OSBPL6: variants seen among roughly 807,000 people sequenced by gnomAD.
OSBPL6 encodes oxysterol-binding protein-related protein 6.
A neutral mutation model predicts 125.8 loss-of-function variants in OSBPL6; 49 were observed. The observed-to-expected ratio is 0.39, with a 90% CI of 0.31 to 0.49. The LOEUF (loss-of-function observed/expected upper bound fraction) is 0.49. OSBPL6 is among the 20% of genes least tolerant of loss of function. OSBPL6 has a pLI of 0.88. For missense variants in OSBPL6, 986 were observed against 1,135.4 expected (o/e 0.87, Z 1.89); for synonymous variants, 394 against 391.8 (o/e 1.01, Z -0.07).
At chr2:178,322,656 G>C (rs985245830) in intron 3 of OSBPL6, among the ~76,000 whole-genome samples, 3 of 152,000 alleles carry the variant, frequency 2.0e-5, no homozygotes, top group Non-Finnish European at 2.9e-5. Context: ...GAAGTTTTTT[G>C]TTGATATTCT....
rs1029594284 is a variant in OSBPL6 at position 178,399,785 on chromosome 2, A to G, written c.*4226A>G. ...CTGTGTCATTGTTTGTAAAATATAC[A>G]GTATTTATGTACAGTTTCAGAGACA... On this transcript the variant is annotated 3_prime_UTR_variant, in exon 25 of 25. Transcript: ENST00000190611. 4 of 152,350 alleles carry G rather than the reference A, an allele frequency of 2.6e-5. No individual in the cohort carries two copies. Among genetic ancestry groups the G allele is most frequent in the Admixed American group, 2.6e-4 (4 of 15,300 alleles). 9.4% of individuals were successfully genotyped at this position (152,350 alleles called of 1,614,324 possible).
intron 9 of OSBPL6, among the ~76,000 whole-genome samples, chr2:178,336,685 C>T (rs79336461): frequency 0.014 from 2,141 of 152,230 alleles, 37 homozygotes; most frequent in African/African-American, 0.048. Flanking sequence ...TTTCCCCTGA[C>T]TTCTACCCAC....
intron 14 of OSBPL6, among the ~76,000 whole-genome samples, chr2:178,373,626 C>T (rs901752327): frequency 1.3e-5 from 2 of 152,140 alleles, no homozygotes; most frequent in African/African-American, 2.4e-5. Flanking sequence ...GTATTCATAG[C>T]GGCTTAACCT....
At chr2:178,303,757 T>G (rs1396941187) in intron 2 of OSBPL6, among the ~76,000 whole-genome samples, 5 of 152,110 alleles carry the variant, frequency 3.3e-5, no homozygotes, top group African/African-American at 1.2e-4. Context: ...AGACCTGAGA[T>G]TTAGCCTCAA....
chr2:178,335,388 G>A (rs1228829904), intron 8 of OSBPL6, among the ~76,000 whole-genome samples: 1 of 152,072 alleles, frequency 6.6e-6, no homozygotes, highest in African/African-American at 2.4e-5. Flanking sequence ...ATACCTCTAA[G>A]ATCTGCTTGG....
intron 1 of OSBPL6, among the ~76,000 whole-genome samples, chr2:178,255,149 C>T (rs1480990591): frequency 6.6e-6 from 1 of 152,108 alleles, no homozygotes; most frequent in African/African-American, 2.4e-5. Flanking sequence ...ACTAAAAATA[C>T]AAAAATTAGC....
intron 1 of OSBPL6, among the ~76,000 whole-genome samples, chr2:178,270,847 C>G (rs1447235636): frequency 6.6e-6 from 1 of 152,138 alleles, no homozygotes; most frequent in Non-Finnish European, 1.5e-5. Flanking sequence ...GCCCTGAACA[C>G]CTTACCTGTA....
At chr2:178,282,344 A>C (rs930504761) in intron 1 of OSBPL6, among the ~76,000 whole-genome samples, 3 of 152,174 alleles carry the variant, frequency 2.0e-5, no homozygotes, top group Non-Finnish European at 4.4e-5. Flanking sequence ...AACTTGTCTT[A>C]TCCCTCCCCT....
At chr2:178,322,019 C>T (rs189325741) in intron 3 of OSBPL6, among the ~76,000 whole-genome samples, 1 of 152,274 alleles carries the variant, frequency 6.6e-6, no homozygotes, top group Admixed American at 6.5e-5. Context: ...ACCCTTCTGA[C>T]CCACATAATT....
At chr2:178,339,801 A>T in intron 11 of OSBPL6, 37 bp downstream of exon 11, 1 of 1,504,112 alleles carries the variant, frequency 6.6e-7, no homozygotes, top group South Asian at 1.3e-5. Flanking sequence ...ACGTTTCTAC[A>T]TATTTTTAAA....
chr2:178,207,020 C>T (rs2089572301), intron 1 of OSBPL6, among the ~76,000 whole-genome samples: 1 of 152,154 alleles, frequency 6.6e-6, no homozygotes, highest in Non-Finnish European at 1.5e-5. Flanking sequence ...CCTCCCACCT[C>T]AGCCTCCCAA....
At chr2:178,289,007 C>A (rs1574762125) in intron 2 of OSBPL6, among the ~76,000 whole-genome samples, 1 of 144,212 alleles carries the variant, frequency 6.9e-6, no homozygotes, top group Non-Finnish European at 1.5e-5. Context: ...TTTTCTTTTT[C>A]TTTTTCTTCT....
rs762728408 is a variant in OSBPL6, at chr2:178,389,006, T to A, written c.2157-3T>A. ...TTTTCATCAGTGTTACATTCTTCACTAGGTATGGAGATTACTATGTGTGGA... is the reference window on the plus strand; with the variant it reads ...TTTTCATCAGTGTTACATTCTTCACAAGGTATGGAGATTACTATGTGTGGA... On this transcript the variant is annotated splice_polypyrimidine_tract_variant and splice_region_variant and intron_variant, in intron 20 of 24. Transcript: ENST00000190611. 2 of 1,613,194 alleles carry A rather than the reference T, an allele frequency of 1.2e-6. No homozygotes were observed. Among genetic ancestry groups the A allele is most frequent in the East Asian group, 4.5e-5 (2 of 44,826 alleles).
Position 178,336,443 on chromosome 2 carries a change from T to TGCCCA in OSBPL6, c.790+12_790+16dup. 6.2e-7 allele frequency: 1 copy of TGCCCA among 1,613,058 alleles called. No individual in the cohort carries two copies. The highest frequency in any genetic ancestry group is 8.5e-7 in the Non-Finnish European group (1 of 1,179,588). On this transcript the variant is annotated intron_variant, in intron 9 of 24. Transcript: ENST00000190611. Reference sequence around the variant, plus strand: ...GACAGGTGTGCAGAAGGTTAGTTCTTGCCCAGTGTGGCCTGAGAGTAAGCC... The same window carrying TGCCCA: ...GACAGGTGTGCAGAAGGTTAGTTCTTGCCCAGCCCAGTGTGGCCTGAGAGTAAGCC...
chr2:178,202,840 GA>G (rs2089327888), intron 1 of OSBPL6, among the ~76,000 whole-genome samples: 1 of 150,088 alleles, frequency 6.7e-6, no homozygotes, highest in African/African-American at 2.4e-5. Flanking sequence ...AAAAAAGAAA[GA>G]AAGAAAAAGA....
intron 1 of OSBPL6, among the ~76,000 whole-genome samples, chr2:178,196,292 C>A (rs1346737254): frequency 6.6e-6 from 1 of 151,760 alleles, no homozygotes; most frequent in Non-Finnish European, 1.5e-5. Flanking sequence ...AGTAGGAGTT[C>A]ATATATTTTT....
intron 1 of OSBPL6, among the ~76,000 whole-genome samples, chr2:178,210,012 T>C (rs1189369019): frequency 1.3e-5 from 2 of 149,364 alleles, no homozygotes; most frequent in Admixed American, 6.6e-5. Context: ...TTTTATTTAT[T>C]TATCTATTTA....
rs1238277062 is a variant in OSBPL6, at chr2:178,349,387, A to C, written c.1151A>C (p.Lys384Thr). Residue 384 changes from lysine to threonine, a missense_variant and splice_region_variant, in exon 12 of 25, where the codon AAA becomes ACA. Lys to Thr is a moderately conservative substitution (Grantham distance 78). Coordinates refer to ENST00000190611, the MANE Select transcript of OSBPL6 (RefSeq NM_032523.4). Reference protein sequence around the residue: ...LQEEFCLIAQKVHSLLKSAFN... With the variant: ...LQEEFCLIAQTVHSLLKSAFN... ...GAAGAATTTTGTCTAATCGCACAGA[A>C]AGGTAAGAACAAAAATAATGCGCCC... The C allele has an allele frequency of 1.1e-5, 18 of 1,613,984 alleles. No homozygotes were observed. Among genetic ancestry groups the C allele is most frequent in the Non-Finnish European group, 1.4e-5 (17 of 1,179,922 alleles).
intron 2 of OSBPL6, among the ~76,000 whole-genome samples, chr2:178,299,083 T>C (rs1559217282): frequency 6.6e-6 from 1 of 152,258 alleles, no homozygotes; most frequent in Non-Finnish European, 1.5e-5. Flanking sequence ...TTTCCCAGTA[T>C]TATTTTTCTG....
Sources: allele counts gnomAD v4.1 joint callset (sites outside exome capture counted in the v4.1 genomes callset), GRCh38; gene constraint gnomAD v4.1.1; transcripts MANE v1.5; gene names NCBI Gene and HGNC (gene_info 2026-07-23, HGNC 2026-07-21).